Variants in FBXL13 observed in about 807,000 individuals in gnomAD.
The protein encoded by FBXL13 is F-box and leucine rich repeat protein 13.
Under a neutral mutation model 83.6 loss-of-function variants are expected in FBXL13, and 67 were observed. The observed-to-expected ratio is 0.80, with a 90% CI of 0.66 to 0.98. The LOEUF (loss-of-function observed/expected upper bound fraction) is 0.98, where lower values mean the gene tolerates loss of function less well. FBXL13 is among the 50% of genes least tolerant of loss of function. The probability of loss-of-function intolerance (pLI) is 0.00; values close to 1 mark genes in which losing one functional copy is unlikely to be tolerated. For synonymous variants in FBXL13, 272 were observed against 299.5 expected (o/e 0.91, Z 0.95); for missense variants, 822 against 866.5 (o/e 0.95, Z 0.64).
intron 17 of FBXL13, among the ~76,000 whole-genome samples, chr7:102,852,365 C>T (rs1173066682): frequency 6.6e-6 from 1 of 152,038 alleles, no homozygotes; most frequent in African/African-American, 2.4e-5. Context: ...AGTTTCAGCA[C>T]AGCAAAAGAA....
intron 2 of FBXL13, among the ~76,000 whole-genome samples, chr7:103,036,195 A>C (rs892687444): frequency 1.3e-5 from 2 of 152,134 alleles, no homozygotes; most frequent in African/African-American, 4.8e-5. Flanking sequence ...ACCCCACCAC[A>C]GTCCATGGAA....
intron 8 of FBXL13, among the ~76,000 whole-genome samples, chr7:102,963,010 A>T (rs1341326818): frequency 4.8e-5 from 7 of 147,242 alleles, no homozygotes; most frequent in Admixed American, 3.4e-4. Flanking sequence ...TATATATAAA[A>T]AAAAAAAAAA....
intron 6 of FBXL13, among the ~76,000 whole-genome samples, chr7:102,983,879 C>T (rs1347067677): frequency 2.0e-5 from 3 of 152,100 alleles, no homozygotes; most frequent in African/African-American, 7.2e-5. Context: ...TAAGACTCTC[C>T]CTCAGGGCAC....
intron 8 of FBXL13, among the ~76,000 whole-genome samples, chr7:102,957,337 G>A (rs1046759485): frequency 2.0e-5 from 3 of 152,180 alleles, no homozygotes; most frequent in African/African-American, 7.2e-5. Flanking sequence ...GCCATATGCA[G>A]AAAGCTGAAA....
intron 8 of FBXL13, among the ~76,000 whole-genome samples, chr7:102,952,868 C>A (rs1823631604): frequency 6.6e-6 from 1 of 152,106 alleles, no homozygotes. Context: ...CCTGTAATCC[C>A]AGCTACTCAG....
intron 8 of FBXL13, among the ~76,000 whole-genome samples, chr7:102,955,391 G>A (rs930445254): frequency 6.6e-6 from 1 of 151,992 alleles, no homozygotes; most frequent in Admixed American, 6.6e-5. Context: ...ATTTAAAGCA[G>A]GGTGTAGAAG....
At chr7:102,859,695 C>T (rs969240364) in intron 16 of FBXL13, among the ~76,000 whole-genome samples, 1 of 152,138 alleles carries the variant, frequency 6.6e-6, no homozygotes, top group Non-Finnish European at 1.5e-5. Context: ...CAGATTGATG[C>T]TTACCTTTCA....
chr7:102,954,868 A>G (rs1275442895), intron 8 of FBXL13, among the ~76,000 whole-genome samples: 1 of 152,214 alleles, frequency 6.6e-6, no homozygotes, highest in Non-Finnish European at 1.5e-5. Context: ...TGCACCCAAT[A>G]CAGGAGTTTC....
intron 3 of FBXL13, among the ~76,000 whole-genome samples, 196 bp downstream of exon 4, chr7:103,029,155 C>A (rs1029180954): frequency 6.6e-6 from 1 of 151,398 alleles, no homozygotes; most frequent in Admixed American, 6.6e-5. Flanking sequence ...GATAATTATA[C>A]CTTAAAGAAG....
chr7:102,864,658 C>T (rs543833797), intron 16 of FBXL13, among the ~76,000 whole-genome samples: 13 of 152,050 alleles, frequency 8.5e-5, no homozygotes, highest in Admixed American at 3.9e-4. Flanking sequence ...TGTGAGCCAC[C>T]GCACCCAGCC....
At chr7:102,974,022 C>A (rs545727852) in intron 6 of FBXL13, among the ~76,000 whole-genome samples, 3 of 152,224 alleles carry the variant, frequency 2.0e-5, no homozygotes, top group Non-Finnish European at 4.4e-5. Context: ...CCTGTTTTCC[C>A]GAGCCTACCC....
At chr7:102,944,725 A>C in intron 8 of FBXL13, 2 of 877,460 alleles carry the variant, frequency 2.3e-6, no homozygotes, top group Non-Finnish European at 3.4e-6. Context: ...AGCTAAAGGA[A>C]GCTTTCTTTA....
chr7:102,964,633 C>T (rs528771955), intron 7 of FBXL13, among the ~76,000 whole-genome samples: 1 of 151,914 alleles, frequency 6.6e-6, no homozygotes, highest in Non-Finnish European at 1.5e-5. Context: ...AAACTCCTGA[C>T]CTCAAATGAT....
rs1473744004 is a variant in FBXL13 at position 102,838,122 on chromosome 7, G to T, written c.1720-5148C>A. 2.6e-5 allele frequency among the ~76,000 whole-genome samples: 4 copies of T among 152,174 alleles called. No homozygotes were observed. In the East Asian group the frequency reaches 7.7e-4, roughly 29 times the overall value. ...CTGCCAGAGGCAGCATACAGGGTTG[G>T]TTAAGAGCACAGTCTGGGGGCCCAC... On this transcript the variant is annotated intron_variant, in intron 17 of 19. Transcript: ENST00000313221.
At chr7:102,899,082 A>T (rs940007337) in intron 11 of FBXL13, among the ~76,000 whole-genome samples, 1 of 152,080 alleles carries the variant, frequency 6.6e-6, no homozygotes, top group Admixed American at 6.5e-5. Flanking sequence ...TACTTGGCTA[A>T]CTGTTGAATT....
intron 8 of FBXL13, among the ~76,000 whole-genome samples, chr7:102,962,854 G>A (rs1825473327): frequency 6.6e-6 from 1 of 151,416 alleles, no homozygotes; most frequent in Non-Finnish European, 1.5e-5. Context: ...AAGGGGGAGG[G>A]ATAGCATCGG....
intron 19 of FBXL13, among the ~76,000 whole-genome samples, chr7:102,818,926 A>G (rs936917809): frequency 6.6e-6 from 1 of 152,056 alleles, no homozygotes; most frequent in Non-Finnish European, 1.5e-5. Context: ...TCTATTAGTT[A>G]TTCTTCCTGA....
At chr7:103,026,074 A>C in intron 5 of FBXL13, among the ~76,000 whole-genome samples, 1 of 151,962 alleles carries the variant, frequency 6.6e-6, no homozygotes. Flanking sequence ...CACTGTGTGC[A>C]AAACATTACG....
In FBXL13 at chr7:102,884,088, T is replaced by A. The variant is rs1184317795; in HGVS notation, c.1107+126A>T. The A allele has an allele frequency of 4.3e-6, 3 of 697,844 alleles. No homozygotes were observed. The Admixed American group carries it at 7.4e-5, about 17-fold the overall frequency. The allele number at this position is 697,844 out of a possible 1,614,324, so 43.2% of individuals were successfully genotyped here. On this transcript the variant is annotated intron_variant, in intron 12 of 19. Coordinates refer to ENST00000313221, the Ensembl canonical transcript of FBXL13. The stretch of plus-strand genomic sequence containing the variant: ...ATGTGCATGTGTGGAAACTTTTCAA[T>A]GATTTTATTACTATTTTAAAATAAC...
Sources: gnomAD v4.1 joint callset for allele counts (sites outside exome capture counted in the v4.1 genomes callset) on GRCh38, gnomAD v4.1.1 for gene constraint, MANE v1.5 for transcripts, NCBI Gene and HGNC (gene_info 2026-07-23, HGNC 2026-07-21) for gene names.